The following CAST variants were observed in gnomAD, a reference collection of about 807,000 sequenced individuals.
CAST encodes calpastatin, also known as MIR583 host.
A neutral mutation model predicts 119.6 loss-of-function variants in CAST; 76 were observed. The ratio of observed to expected loss-of-function variants is 0.64; its 90% CI spans 0.53 to 0.77. The LOEUF (loss-of-function observed/expected upper bound fraction) is 0.77. CAST is among the 30% of genes least tolerant of loss of function. The pLI is 0.00. For synonymous variants in CAST, 319 were observed against 331.6 expected (o/e 0.96, Z 0.41); for missense variants, 953 against 946.5 (o/e 1.01, Z -0.09).
chr5:96,735,949 G>T (rs981626428), intron 9 of CAST, among the ~76,000 whole-genome samples: 3 of 152,210 alleles, frequency 2.0e-5, no homozygotes, highest in Non-Finnish European at 4.4e-5. Flanking sequence ...CCTGAGGAAA[G>T]TGGCCTAATC....
At chr5:96,398,867 T>G in the CAST span, 1 of 1,609,068 alleles carries the variant, frequency 6.2e-7, no homozygotes, top group Non-Finnish European at 8.5e-7. Context: ...GCTTAGAACT[T>G]TTTTAATTTA....
the CAST span, among the ~76,000 whole-genome samples, chr5:96,209,884 G>T: frequency 1.3e-5 from 2 of 151,686 alleles, no homozygotes; most frequent in African/African-American, 4.8e-5. Flanking sequence ...TCTGTAGTAA[G>T]GTTGGGGAAA....
At chr5:96,504,787 C>T in the CAST span, among the ~76,000 whole-genome samples, 1 of 152,286 alleles carries the variant, frequency 6.6e-6, no homozygotes, top group African/African-American at 2.4e-5. Context: ...TCTGCTCCCA[C>T]CTCAAATCCA....
chr5:96,397,371 G>A, the CAST span: 3 of 1,612,148 alleles, frequency 1.9e-6, no homozygotes. Context: ...GTACCTATAG[G>A]GTTCTCTCCC....
At chr5:96,312,435 T>G in the CAST span, among the ~76,000 whole-genome samples, 1 of 152,054 alleles carries the variant, frequency 6.6e-6, no homozygotes, top group Non-Finnish European at 1.5e-5. Context: ...TTTTATTGAC[T>G]CAAATTAGCT....
chr5:96,545,295 T>C (rs980359166), intron 1 of CAST: 1 of 152,234 alleles, frequency 6.6e-6, no homozygotes, highest in Non-Finnish European at 1.5e-5. Flanking sequence ...AAGCAAACTT[T>C]TAATAAGAAT....
chr5:96,168,094 C>G, the CAST span, among the ~76,000 whole-genome samples: 1 of 152,148 alleles, frequency 6.6e-6, no homozygotes, highest in Non-Finnish European at 1.5e-5. Context: ...AGATATTTTC[C>G]TTGGTCCAAG....
chr5:96,021,104 T>G, the CAST span, among the ~76,000 whole-genome samples: 2 of 152,170 alleles, frequency 1.3e-5, no homozygotes, highest in African/African-American at 4.8e-5. Context: ...TTTCTTTATA[T>G]GAAGTATTAG....
At chr5:96,667,529 T>A (rs1749496377) in intron 1 of CAST, among the ~76,000 whole-genome samples, 1 of 152,180 alleles carries the variant, frequency 6.6e-6, no homozygotes, top group Non-Finnish European at 1.5e-5. Context: ...TGACAGGCAA[T>A]AGATGCCACC....
At position 96,767,932 on chromosome 5, in the gene CAST, T is replaced by C. The variant is rs201719277; in HGVS notation, c.2201T>C (p.Ile734Thr). 1.2e-4 allele frequency: 192 copies of C among 1,613,440 alleles called. No individual in the cohort carries two copies. The highest frequency in any genetic ancestry group is 1.3e-4 in the Admixed American group (8 of 59,986). ...AAACCTGCAGATGACCAAGACCCCA[T>C]TGATGCTCTCTCAGGAGATCTGGAC... ...SKKPADDQDPIDALSGDLDSC... is the reference protein window; with the variant it reads ...SKKPADDQDPTDALSGDLDSC... Residue 734 changes from isoleucine to threonine, a missense_variant, in exon 29 of 32, where the codon ATT becomes ACT. Physicochemically the swap from Ile to Thr is moderately conservative, Grantham distance 89. Transcript: ENST00000675179.
At chr5:96,438,670 G>A in the CAST span, among the ~76,000 whole-genome samples, 2 of 152,116 alleles carry the variant, frequency 1.3e-5, no homozygotes, top group Non-Finnish European at 2.9e-5. Context: ...GAGGTACATG[G>A]TGTCCATATG....
At chr5:96,358,456 T>C in the CAST span, among the ~76,000 whole-genome samples, 1 of 152,204 alleles carries the variant, frequency 6.6e-6, no homozygotes, top group Non-Finnish European at 1.5e-5. Context: ...TTGCTTTCTC[T>C]TGTGGGCATT....
the CAST span, among the ~76,000 whole-genome samples, chr5:96,072,286 G>A: frequency 6.6e-6 from 1 of 152,118 alleles, no homozygotes; most frequent in African/African-American, 2.4e-5. Flanking sequence ...TGAAGAACAG[G>A]TAGGACTTGA....
chr5:96,524,962 TG>T (rs1325008839), upstream of CAST, among the ~76,000 whole-genome samples: 1 of 152,210 alleles, frequency 6.6e-6, no homozygotes, highest in Non-Finnish European at 1.5e-5. Context: ...AAGACGGAAG[TG>T]GGAATGATAT....
chr5:96,479,276 T>C, the CAST span, among the ~76,000 whole-genome samples: 2 of 152,198 alleles, frequency 1.3e-5, no homozygotes, highest in Non-Finnish European at 2.9e-5. Flanking sequence ...GATCTGATTA[T>C]CTAATGTAAT....
chr5:96,014,767 T>C, the CAST span, among the ~76,000 whole-genome samples: 1 of 152,158 alleles, frequency 6.6e-6, no homozygotes, highest in Admixed American at 6.5e-5. Flanking sequence ...TGTATGCAGA[T>C]GGGATTTTAA....
At chr5:96,685,679 A>G (rs890675949) in intron 2 of CAST, among the ~76,000 whole-genome samples, 2 of 152,232 alleles carry the variant, frequency 1.3e-5, no homozygotes, top group Admixed American at 1.3e-4. Flanking sequence ...TTTTCAGGAT[A>G]TGGCATGAGA....
chr5:96,766,879 A>G (rs2150738526), intron 27 of CAST, among the ~76,000 whole-genome samples: 1 of 152,262 alleles, frequency 6.6e-6, no homozygotes, highest in East Asian at 1.9e-4. Context: ...CCTGGTTTAA[A>G]TAGCAGTGTC....
At chr5:96,176,829 T>C in the CAST span, among the ~76,000 whole-genome samples, 80 of 152,346 alleles carry the variant, frequency 5.3e-4, 1 homozygote, top group African/African-American at 1.9e-3. Context: ...GCTACTGCTT[T>C]CTTAAATAAT....
Sources: allele counts gnomAD v4.1 joint callset (sites outside exome capture counted in the v4.1 genomes callset), GRCh38; gene constraint gnomAD v4.1.1; transcripts MANE v1.5; gene names NCBI Gene and HGNC (gene_info 2026-07-23, HGNC 2026-07-21).